The following N4BP2 variants were observed in gnomAD, a reference collection of about 807,000 sequenced individuals.
N4BP2 encodes the protein NEDD4-binding protein 2.
In N4BP2, 91 loss-of-function variants were observed where a neutral mutation model predicts 152.8. That is an observed-to-expected ratio of 0.60 (90% CI 0.50 to 0.71). The LOEUF is 0.71. Among genes scored for constraint, N4BP2 ranks in the 30% least tolerant of loss-of-function variants. The pLI is 0.00. For missense variants in N4BP2, 1,923 were observed against 2,059.1 expected, an observed-to-expected ratio of 0.93 and a Z score of 1.28; for synonymous variants, 646 against 705.3, an observed-to-expected ratio of 0.92 and a Z score of 1.33.
In N4BP2 at chr4:40,137,068, T is replaced by G. The variant is rs1474078076; in HGVS notation, c.4771T>G (p.Ser1591Ala). 6 of 1,610,988 alleles carry G rather than the reference T, an allele frequency of 3.7e-6. No homozygotes were observed. The highest frequency in any genetic ancestry group is 5.1e-6 in the Non-Finnish European group (6 of 1,178,878). Residue 1591 changes from serine to alanine, a missense_variant, in exon 14 of 18, where the codon TCT (serine) becomes GCT (alanine). Physicochemically the swap from Ser to Ala is moderately conservative, Grantham distance 99. Coordinates refer to ENST00000261435, the MANE Select transcript of N4BP2 (RefSeq NM_018177.6). Reference sequence around the variant, plus strand: ...TGTCACATCTCATACTGGCCAGAAGTCTAAAGAGAAAAAGGTATGGAGTTA... The same window carrying G: ...TGTCACATCTCATACTGGCCAGAAGGCTAAAGAGAAAAAGGTATGGAGTTA... ...ENVTSHTGQK[S>A]KEKKPKKLKE...
rs1721464202 is a variant in N4BP2 at position 40,154,828 on chromosome 4, T to G, written c.*591T>G. 6.6e-6 allele frequency: 1 copy of G among 152,334 alleles called. No homozygotes were observed. Among genetic ancestry groups the G allele is most frequent in the Admixed American group, 6.5e-5 (1 of 15,290 alleles). The allele number at this position is 152,334 out of a possible 1,614,324, so 9.4% of individuals were successfully genotyped here. A position where few individuals can be genotyped will look rare whatever the true frequency, so the allele number is the denominator to read the frequency against. The stretch of plus-strand genomic sequence containing the variant: ...TGTATATGACCTTGATCTTTTACCT[T>G]TTGTTCTGTTCTTCTGTGTGCATTT... On this transcript the variant is annotated 3_prime_UTR_variant, in exon 18 of 18. Coordinates refer to ENST00000261435, the MANE Select transcript of N4BP2 (RefSeq NM_018177.6).
intron 14 of N4BP2, chr4:40,142,366 T>G: frequency 6.5e-6 from 2 of 309,014 alleles, no homozygotes; most frequent in Non-Finnish European, 1.3e-5. Context: ...TTACCTCCAT[T>G]TTGAGACTGA....
Position 40,120,814 on chromosome 4 carries a change from A to G in N4BP2, c.2703A>G (p.Pro901=). 6.2e-7 allele frequency: 1 copy of G among 1,614,190 alleles called. No individual in the cohort carries two copies. Among genetic ancestry groups the G allele is most frequent in the East Asian group, 2.2e-5 (1 of 44,890 alleles). The part of the protein sequence containing the change: ...LAQREHRSRM[P]KTGLSEPNLE... ...AGAGGGAACACAGATCAAGAATGCCAAAGACTGGTTTAAGTGAGCCCAACC... is the reference window on the plus strand; with the variant it reads ...AGAGGGAACACAGATCAAGAATGCCGAAGACTGGTTTAAGTGAGCCCAACC... Residue 901 remains proline (P), a synonymous_variant, in exon 9 of 18, where the codon CCA becomes CCG. Coordinates refer to ENST00000261435, the MANE Select transcript of N4BP2 (RefSeq NM_018177.6).
chr4:40,072,291 G>T (rs1225480639), intron 1 of N4BP2, among the ~76,000 whole-genome samples: 1 of 148,512 alleles, frequency 6.7e-6, no homozygotes, highest in African/African-American at 2.5e-5. Context: ...TTGTCGCCAG[G>T]CTGGAGTTCA....
chr4:40,116,398 G>A (rs1717335324), intron 7 of N4BP2, among the ~76,000 whole-genome samples: 1 of 152,080 alleles, frequency 6.6e-6, no homozygotes, highest in Admixed American at 6.5e-5. Flanking sequence ...AGAAAATGAT[G>A]TAGTTGGATT....
rs777891186 is a variant in N4BP2 at position 40,152,856 on chromosome 4, T to G, written c.5220T>G (p.Ala1740=). The G allele has an allele frequency of 1.7e-5, 28 of 1,613,942 alleles. No individual in the cohort carries two copies. The highest frequency in any genetic ancestry group is 2.2e-5 in the Non-Finnish European group (26 of 1,179,964). The change falls in exon 17 of 18, where the codon GCT becomes GCG. Residue 1740 remains alanine, a synonymous_variant. Coordinates refer to ENST00000261435, the MANE Select transcript of N4BP2 (RefSeq NM_018177.6). ...GRGNHSQGGV[A]RIKPAVIKYL... ...GAAACCACAGCCAGGGAGGAGTTGCTCGCATCAAACCAGCTGTCATTAAGT... is the reference window on the plus strand; with the variant it reads ...GAAACCACAGCCAGGGAGGAGTTGCGCGCATCAAACCAGCTGTCATTAAGT...
At chr4:40,079,229 G>A (rs1312588448) in intron 2 of N4BP2, among the ~76,000 whole-genome samples, 1 of 151,828 alleles carries the variant, frequency 6.6e-6, no homozygotes, top group Non-Finnish European at 1.5e-5. Context: ...TCCTGATAAT[G>A]GTGCTTTTTT....
chr4:40,068,834 C>T (rs1327845857), intron 1 of N4BP2, among the ~76,000 whole-genome samples: 2 of 152,066 alleles, frequency 1.3e-5, no homozygotes, highest in East Asian at 3.8e-4. Flanking sequence ...TAAAAAATTC[C>T]CAGGCTGGGC....
At chr4:40,081,519 G>A (rs188416359) in intron 2 of N4BP2, among the ~76,000 whole-genome samples, 1 of 152,186 alleles carries the variant, frequency 6.6e-6, no homozygotes, top group African/African-American at 2.4e-5. Context: ...GGTGCCGCAT[G>A]CCTGTAATCC....
chr4:40,078,388 C>T (rs1485394542), intron 2 of N4BP2, among the ~76,000 whole-genome samples: 3 of 152,060 alleles, frequency 2.0e-5, no homozygotes, highest in South Asian at 2.1e-4. Flanking sequence ...GCACCTGCCT[C>T]GGCCACCCAA....
chr4:40,125,744 A>C (rs979857886), intron 11 of N4BP2, among the ~76,000 whole-genome samples: 3 of 152,022 alleles, frequency 2.0e-5, no homozygotes, highest in African/African-American at 7.3e-5. Context: ...AAAACTAGCC[A>C]GGCATGGTGG....
Position 40,120,556 on chromosome 4 carries a change from C to T in N4BP2, c.2445C>T (p.Ser815=), listed in dbSNP as rs141306546. The part of the protein sequence containing the change: ...RKTEKTSSVQ[S]DKKYNYPQSH... ...CTGAAAAAACTTCATCCGTACAAAG[C>T]GACAAAAAGTATAATTACCCTCAGT... The change falls in exon 9 of 18, where the codon AGC becomes AGT. Residue 815 remains serine, a synonymous_variant. Coordinates refer to ENST00000261435, the MANE Select transcript of N4BP2 (RefSeq NM_018177.6). The T allele has an allele frequency of 3.3e-5, 53 of 1,613,930 alleles. No homozygotes were observed. In the Admixed American group the frequency reaches 3.7e-4, roughly 11 times the overall value.
the N4BP2 span, among the ~76,000 whole-genome samples, chr4:40,165,880 C>G: frequency 2.0e-5 from 3 of 152,184 alleles, no homozygotes; most frequent in African/African-American, 7.2e-5. Context: ...TCCGTAGATA[C>G]CCCAAAGCCT....
chr4:40,146,865 T>C (rs1720566233), intron 16 of N4BP2, among the ~76,000 whole-genome samples: 1 of 125,318 alleles, frequency 8.0e-6, no homozygotes, highest in Non-Finnish European at 1.7e-5. Context: ...TTCTATGTGT[T>C]TGGCTTTTTT....
chr4:40,110,467 G>T (rs1013054012), intron 5 of N4BP2, among the ~76,000 whole-genome samples: 2 of 152,082 alleles, frequency 1.3e-5, no homozygotes, highest in African/African-American at 4.8e-5. Flanking sequence ...TCTCACTGTG[G>T]TTTCAATTTG....
intron 3 of N4BP2, among the ~76,000 whole-genome samples, chr4:40,100,796 T>C (rs1445322016): frequency 1.3e-5 from 2 of 152,230 alleles, no homozygotes; most frequent in African/African-American, 4.8e-5. Context: ...ATGTACTTTT[T>C]AACTTCATTT....
At chr4:40,123,461 C>T (rs1718120559) in intron 10 of N4BP2, among the ~76,000 whole-genome samples, 1 of 151,924 alleles carries the variant, frequency 6.6e-6, no homozygotes. Context: ...AGCGATGGAG[C>T]TCATTGTAAT....
intron 5 of N4BP2, among the ~76,000 whole-genome samples, chr4:40,107,454 G>T (rs542402265): frequency 7.2e-5 from 11 of 151,996 alleles, no homozygotes; most frequent in African/African-American, 2.7e-4. Flanking sequence ...TGCAATCTGG[G>T]TTCACTGCAA....
chr4:40,145,131 A>G (rs1720395752), intron 16 of N4BP2, among the ~76,000 whole-genome samples: 2 of 152,170 alleles, frequency 1.3e-5, no homozygotes, highest in South Asian at 2.1e-4. Context: ...AACTTAATTG[A>G]TATTTCTTGG....
Sources: gnomAD v4.1 joint callset for allele counts (sites outside exome capture counted in the v4.1 genomes callset) on GRCh38, gnomAD v4.1.1 for gene constraint, MANE v1.5 for transcripts, NCBI Gene and HGNC (gene_info 2026-07-23, HGNC 2026-07-21) for gene names.